The following PSPH variants were observed in gnomAD, a reference collection of about 807,000 sequenced individuals.
The protein encoded by PSPH is phosphoserine phosphatase, also known as L-3-phosphoserine phosphatase.
A neutral mutation model predicts 23.4 loss-of-function variants in PSPH; 16 were observed. The observed-to-expected ratio is 0.68, with a 90% confidence interval of 0.46 to 1.04. PSPH has a LOEUF of 1.04. Among genes scored for constraint, PSPH ranks in the 50% least tolerant of loss-of-function variants. PSPH has a pLI of 0.00. For missense variants in PSPH, 223 were observed against 273.7 expected (o/e 0.81, Z 1.31); for synonymous variants, 68 against 99.7 (o/e 0.68, Z 1.89).
At chr7:56,026,529 C>T (rs1790215991) in intron 3 of PSPH, among the ~76,000 whole-genome samples, 1 of 146,044 alleles carries the variant, frequency 6.8e-6, no homozygotes, top group African/African-American at 2.5e-5. Flanking sequence ...CAAGGGCCAG[C>T]ATGGTGGCTG....
At chr7:56,031,853 C>T (rs1483477849) in intron 3 of PSPH, 76 bp downstream of exon 3, 1 of 153,396 alleles carries the variant, frequency 6.5e-6, no homozygotes, top group African/African-American at 2.4e-5. Context: ...AAACGTGTAA[C>T]AGTTCAATGC....
intron 3 of PSPH, among the ~76,000 whole-genome samples, chr7:56,021,609 G>GT (rs11412043): frequency 0.19 from 27,543 of 142,520 alleles, 2,976 homozygotes; most frequent in East Asian, 0.38. Flanking sequence ...ATATATAGTT[G>GT]TTTTTTTTTT....
intron 7 of PSPH, among the ~76,000 whole-genome samples, chr7:56,014,097 C>G (rs1319127809): frequency 6.6e-6 from 1 of 152,154 alleles, no homozygotes; most frequent in East Asian, 1.9e-4. Context: ...CCACTGCACT[C>G]CAGCCTGGGT....
chr7:56,036,339 AACTC>A (rs1242275948), intron 1 of PSPH, among the ~76,000 whole-genome samples: 2 of 152,200 alleles, frequency 1.3e-5, no homozygotes, highest in Non-Finnish European at 2.9e-5. Flanking sequence ...GGTGAAAAGA[AACTC>A]AAGTAAGTAA....
At chr7:56,012,456 C>T (rs376190502) in intron 7 of PSPH, among the ~76,000 whole-genome samples, 39 of 152,222 alleles carry the variant, frequency 2.6e-4, no homozygotes, top group African/African-American at 9.4e-4. Context: ...GCTGGGATCA[C>T]AGGCGTGAGC....
intron 2 of PSPH, among the ~76,000 whole-genome samples, chr7:56,032,902 G>T (rs1164734172): frequency 6.6e-6 from 1 of 151,056 alleles, no homozygotes; most frequent in Admixed American, 6.6e-5. Context: ...AGCTATGATT[G>T]CACCGCTGCA....
intron 1 of PSPH, among the ~76,000 whole-genome samples, chr7:56,041,269 G>A (rs1298871343): frequency 6.8e-5 from 10 of 146,798 alleles, no homozygotes; most frequent in Non-Finnish European, 1.3e-4. Context: ...CTGGAGTGCA[G>A]TGGCACAATC....
At chr7:56,019,911 A>G (rs77554637) in intron 4 of PSPH, 177 bp from the exon 5 acceptor site, 1 of 622,894 alleles carries the variant, frequency 1.6e-6, no homozygotes, top group East Asian at 4.5e-5. Context: ...CTTTTGAAGG[A>G]TTGCTTGAAA....
At chr7:56,045,072 C>CAAAA (rs35552809) in intron 1 of PSPH, among the ~76,000 whole-genome samples, 34 of 117,322 alleles carry the variant, frequency 2.9e-4, no homozygotes, top group African/African-American at 8.0e-4. Context: ...AACTCTGCCT[C>CAAAA]AAAAAAAAAA....
chr7:56,051,283 C>T lies in PSPH; in HGVS notation c.-437G>A. ...CTCAACTCCCATCGCACCAGTCCTG[C>T]AGCTTTCTAAAGGTATCCAGCACTT... is the stretch of plus-strand genomic sequence containing the variant. On this transcript the variant is annotated 5_prime_UTR_variant, in exon 1 of 8. Coordinates refer to ENST00000275605, the MANE Select transcript of PSPH (RefSeq NM_004577.4). The T allele has an allele frequency of 6.4e-6, 1 of 156,300 alleles. No individual in the cohort carries two copies. The highest frequency in any genetic ancestry group is 1.4e-5 in the Non-Finnish European group (1 of 70,326). The allele number at this position is 156,300 out of a possible 1,614,324, so 9.7% of individuals were successfully genotyped here.
intron 3 of PSPH, among the ~76,000 whole-genome samples, chr7:56,025,278 C>A (rs913253627): frequency 6.6e-6 from 1 of 151,716 alleles, no homozygotes; most frequent in Non-Finnish European, 1.5e-5. Flanking sequence ...TACACACACA[C>A]ACATTTTTTT....
chr7:56,043,521 T>TAA (rs1792820608), intron 1 of PSPH, among the ~76,000 whole-genome samples: 3 of 150,810 alleles, frequency 2.0e-5, no homozygotes, highest in Non-Finnish European at 4.4e-5. Context: ...TAAATAAATA[T>TAA]TTAAAGATAT....
At chr7:56,035,271 G>T (rs900020845) in intron 1 of PSPH, among the ~76,000 whole-genome samples, 3 of 152,024 alleles carry the variant, frequency 2.0e-5, no homozygotes, top group Non-Finnish European at 4.4e-5. Flanking sequence ...AACCCGGGTG[G>T]GGGGAGGAGG....
Position 56,025,034 on chromosome 7 carries a change from C to A in PSPH, c.-19-3803G>T. Among the ~76,000 whole-genome samples the A allele has an allele frequency of 1.3e-5, 2 of 151,740 alleles. 1 individual carries two copies. The highest frequency in any genetic ancestry group is 2.9e-5 in the Non-Finnish European group (2 of 67,968). On this transcript the variant is annotated intron_variant, in intron 3 of 7. Transcript: ENST00000275605. Reference sequence around the variant, plus strand: ...GGCCTGTCTGGTCTCGAACTCCTGACCTCAAATGATCCTCCTGCCTCAGCC... The same window carrying A: ...GGCCTGTCTGGTCTCGAACTCCTGAACTCAAATGATCCTCCTGCCTCAGCC...
At chr7:56,032,923 G>A (rs898023442) in intron 2 of PSPH, among the ~76,000 whole-genome samples, 6 of 151,358 alleles carry the variant, frequency 4.0e-5, no homozygotes, top group African/African-American at 1.5e-4. Flanking sequence ...CTCTAGCCTG[G>A]GTGACCAAGT....
chr7:56,019,715 C>A lies in PSPH; in HGVS notation c.160G>T (p.Gly54Trp). The change falls in exon 5 of 8, where the codon GGG becomes TGG. Residue 54 changes from glycine to tryptophan, a missense_variant. By Grantham distance (184) the Gly-to-Trp change is radical (BLOSUM62 -2). Transcript: ENST00000275605. ...VSEMTRRAMGGAVPFKAALTE... is the reference protein window; with the variant it reads ...VSEMTRRAMGWAVPFKAALTE... ...AGAGCAGCTTTGAAAGGCACTGCCC[C>A]GCCCATGGCTCGCCGTGTCCTAGGA... 16 of 1,613,702 alleles carry A rather than the reference C, an allele frequency of 9.9e-6. No individual in the cohort carries two copies. Among genetic ancestry groups the A allele is most frequent in the Non-Finnish European group, 1.4e-5 (16 of 1,179,870 alleles).
At chr7:56,026,376 A>AGAGGCGGGAGAACCGCTTGAATCTG (rs1790189517) in intron 3 of PSPH, among the ~76,000 whole-genome samples, 1 of 148,680 alleles carries the variant, frequency 6.7e-6, no homozygotes, top group East Asian at 2.0e-4. Context: ...CTTGGGACGG[A>AGAGGCGGGAGAACCGCTTGAATCTG]GAGGCGGGAG....
chr7:56,023,074 T>A (rs189766329), intron 3 of PSPH, among the ~76,000 whole-genome samples: 66 of 150,884 alleles, frequency 4.4e-4, no homozygotes, highest in African/African-American at 1.5e-3. Context: ...AAAGAAAAAA[T>A]CATAAAAATA....
chr7:56,043,654 C>A, intron 1 of PSPH, among the ~76,000 whole-genome samples: 1 of 126,808 alleles, frequency 7.9e-6, no homozygotes, highest in South Asian at 2.8e-4. Flanking sequence ...CCTCCCCCCA[C>A]CCACCCCAAC....
Sources: gnomAD v4.1 joint callset for allele counts (sites outside exome capture counted in the v4.1 genomes callset) on GRCh38, gnomAD v4.1.1 for gene constraint, MANE v1.5 for transcripts, NCBI Gene and HGNC (gene_info 2026-07-23, HGNC 2026-07-21) for gene names.